CCSER1: variants seen among roughly 807,000 people sequenced by gnomAD.
CCSER1 encodes the protein serine-rich coiled-coil domain-containing protein 1.
CCSER1 carries 41 observed loss-of-function variants against 82.0 expected under a neutral mutation model. That is an observed-to-expected ratio of 0.50 (90% CI 0.39 to 0.65). The LOEUF is 0.65. CCSER1 is among the 30% of genes least tolerant of loss of function. The pLI, the probability that CCSER1 is intolerant of heterozygous loss-of-function variation, is 0.00. For synonymous variants in CCSER1, 414 were observed against 383.9 expected (o/e 1.08, Z -0.92); for missense variants, 1,119 against 1,064.2 (o/e 1.05, Z -0.72).
At chr4:91,434,972 A>AGTT (rs1444614445) in intron 10 of CCSER1, among the ~76,000 whole-genome samples, 1 of 152,110 alleles carries the variant, frequency 6.6e-6, no homozygotes, top group East Asian at 1.9e-4. Context: ...ATGGCCGTAG[A>AGTT]GTTCTGTTGT....
chr4:90,756,083 C>G (rs1397301264), intron 7 of CCSER1, among the ~76,000 whole-genome samples: 1 of 152,018 alleles, frequency 6.6e-6, no homozygotes, highest in Non-Finnish European at 1.5e-5. Flanking sequence ...AAAACGCTAG[C>G]CAGGCGTGGT....
chr4:90,993,599 A>T (rs1258210052), intron 9 of CCSER1, among the ~76,000 whole-genome samples: 1 of 152,010 alleles, frequency 6.6e-6, no homozygotes, highest in Admixed American at 6.6e-5. Flanking sequence ...TTTAATTCTC[A>T]TGGTTCTGGA....
intron 4 of CCSER1, among the ~76,000 whole-genome samples, chr4:90,438,490 C>CA (rs967760422): frequency 1.5e-4 from 23 of 151,186 alleles, no homozygotes; most frequent in Non-Finnish European, 2.4e-4. Context: ...GGTGATTTAC[C>CA]AAAAAAACAA....
intron 10 of CCSER1, among the ~76,000 whole-genome samples, chr4:91,550,795 T>C (rs1036094002): frequency 2.0e-5 from 3 of 152,188 alleles, no homozygotes; most frequent in Non-Finnish European, 1.5e-5. Flanking sequence ...TATTAGAATT[T>C]TGCAATATTG....
intron 7 of CCSER1, among the ~76,000 whole-genome samples, chr4:90,805,502 C>T (rs1757391102): frequency 6.6e-6 from 1 of 152,112 alleles, no homozygotes; most frequent in Non-Finnish European, 1.5e-5. Flanking sequence ...TGATCTAATC[C>T]TGAAAGTCAT....
chr4:90,235,762 A>T (rs1332280220), intron 1 of CCSER1, among the ~76,000 whole-genome samples: 1 of 152,010 alleles, frequency 6.6e-6, no homozygotes, highest in African/African-American at 2.4e-5. Context: ...TCTGTCAATA[A>T]TTCATATACC....
intron 10 of CCSER1, among the ~76,000 whole-genome samples, chr4:91,328,215 G>A (rs1175488186): frequency 6.6e-6 from 1 of 152,102 alleles, no homozygotes; most frequent in Non-Finnish European, 1.5e-5. Flanking sequence ...CTGCTATAAA[G>A]AACTACCTTA....
At chr4:90,952,474 T>G (rs1304530961) in intron 9 of CCSER1, among the ~76,000 whole-genome samples, 3 of 152,016 alleles carry the variant, frequency 2.0e-5, no homozygotes, top group Non-Finnish European at 2.9e-5. Flanking sequence ...CAGGTTAATA[T>G]TGCCAAGGAG....
intron 1 of CCSER1, among the ~76,000 whole-genome samples, chr4:90,185,414 A>G (rs1441487083): frequency 1.3e-5 from 2 of 152,062 alleles, no homozygotes; most frequent in East Asian, 1.9e-4. Flanking sequence ...GATTAAATGA[A>G]TAATTTTTAA....
At chr4:90,973,406 A>C (rs543110813) in intron 9 of CCSER1, among the ~76,000 whole-genome samples, 12 of 151,832 alleles carry the variant, frequency 7.9e-5, no homozygotes, top group African/African-American at 2.9e-4. Flanking sequence ...CTGTTATATG[A>C]AAAGGTGCTC....
chr4:90,991,549 G>A (rs1737031194), intron 9 of CCSER1, among the ~76,000 whole-genome samples: 1 of 151,810 alleles, frequency 6.6e-6, no homozygotes, highest in Admixed American at 6.6e-5. Flanking sequence ...CTCTATGTCA[G>A]TATGTCTATG....
intron 10 of CCSER1, among the ~76,000 whole-genome samples, chr4:91,416,140 A>G (rs1348600554): frequency 6.6e-6 from 1 of 152,038 alleles, no homozygotes; most frequent in Non-Finnish European, 1.5e-5. Context: ...AATACAGGTA[A>G]CAAGGGAAGT....
At chr4:91,306,059 T>G (rs201172375) in intron 10 of CCSER1, among the ~76,000 whole-genome samples, 8 of 139,626 alleles carry the variant, frequency 5.7e-5, no homozygotes, top group South Asian at 2.4e-4. Flanking sequence ...ATCAGTGTGT[T>G]TGTGTGTGTG....
intron 6 of CCSER1, among the ~76,000 whole-genome samples, chr4:90,690,195 C>T (rs540932274): frequency 3.6e-4 from 54 of 151,944 alleles, no homozygotes; most frequent in South Asian, 1.5e-3. Flanking sequence ...GAGTGTGATA[C>T]GTGCAATAAT....
chr4:90,746,068 A>AT (rs1747408517), intron 7 of CCSER1, among the ~76,000 whole-genome samples: 1 of 152,072 alleles, frequency 6.6e-6, no homozygotes, highest in Non-Finnish European at 1.5e-5. Flanking sequence ...TTAGTGCCCA[A>AT]TTCAATGCCA....
At chr4:90,205,282 G>A (rs1466441457) in intron 1 of CCSER1, among the ~76,000 whole-genome samples, 3 of 152,122 alleles carry the variant, frequency 2.0e-5, no homozygotes, top group African/African-American at 7.2e-5. Flanking sequence ...GTTTTCAAAG[G>A]CAATGCCTCC....
intron 10 of CCSER1, among the ~76,000 whole-genome samples, chr4:91,280,276 G>A (rs1742816669): frequency 1.3e-5 from 2 of 152,190 alleles, no homozygotes; most frequent in African/African-American, 4.8e-5. Context: ...TCAGGTAGGT[G>A]GGAAGTTTCT....
chr4:91,321,844 T>A (rs1852716), intron 10 of CCSER1, among the ~76,000 whole-genome samples: 1 of 151,850 alleles, frequency 6.6e-6, no homozygotes, highest in Admixed American at 6.6e-5. Flanking sequence ...TTTAAATTTA[T>A]ATTTTACTCT....
chr4:91,594,541 G>C (rs78515689), intron 10 of CCSER1, among the ~76,000 whole-genome samples: 7 of 149,840 alleles, frequency 4.7e-5, no homozygotes, highest in Non-Finnish European at 1.0e-4. Flanking sequence ...CCATCCTTCC[G>C]ATCCAAATGC....
Sources: gnomAD v4.1 joint callset for allele counts (sites outside exome capture counted in the v4.1 genomes callset) on GRCh38, gnomAD v4.1.1 for gene constraint, MANE v1.5 for transcripts, NCBI Gene and HGNC (gene_info 2026-07-23, HGNC 2026-07-21) for gene names.